SCRN1: variants seen among roughly 807,000 people sequenced by gnomAD.
SCRN1 encodes secernin 1, also known as secernin-1.
Under a neutral mutation model 43.3 loss-of-function variants are expected in SCRN1, and 19 were observed. That is an observed-to-expected ratio of 0.44 (90% confidence interval 0.31 to 0.64). The LOEUF is 0.64. SCRN1 is among the 30% of genes least tolerant of loss of function. The pLI, the probability that SCRN1 is intolerant of heterozygous loss-of-function variation, is 0.09. For missense variants in SCRN1, 447 were observed against 524.1 expected (o/e 0.85, Z 1.44); for synonymous variants, 183 against 188.9 (o/e 0.97, Z 0.26).
At chr7:29,929,492 G>C (rs1787086974) in intron 6 of SCRN1, among the ~76,000 whole-genome samples, 1 of 152,232 alleles carries the variant, frequency 6.6e-6, no homozygotes, top group African/African-American at 2.4e-5. Flanking sequence ...AAACCTCAGT[G>C]CTTCCCTTAC....
intron 2 of SCRN1, among the ~76,000 whole-genome samples, chr7:29,961,611 G>A (rs1269016877): frequency 2.2e-4 from 32 of 143,482 alleles, no homozygotes; most frequent in African/African-American, 3.3e-4. Context: ...GGTGGTGGCC[G>A]GGCAGAGGGG....
chr7:29,944,961 GCTTA>G (rs1276533908), intron 3 of SCRN1, among the ~76,000 whole-genome samples: 6 of 152,116 alleles, frequency 3.9e-5, no homozygotes, highest in African/African-American at 1.2e-4. Context: ...CAGGTATTTT[GCTTA>G]CTTATTAAAA....
At chr7:29,970,349 T>G (rs1788631446) in intron 1 of SCRN1, among the ~76,000 whole-genome samples, 1 of 152,114 alleles carries the variant, frequency 6.6e-6, no homozygotes, top group Admixed American at 6.6e-5. Context: ...GCTCCATCCT[T>G]TGTCCTCACC....
chr7:29,981,687 T>C (rs1012635191), intron 1 of SCRN1, among the ~76,000 whole-genome samples: 1 of 152,140 alleles, frequency 6.6e-6, no homozygotes, highest in African/African-American at 2.4e-5. Context: ...CATACAAGAT[T>C]GGGTGAGGGC....
intron 1 of SCRN1, among the ~76,000 whole-genome samples, chr7:29,975,390 C>T (rs571543814): frequency 2.0e-5 from 3 of 152,206 alleles, no homozygotes; most frequent in Non-Finnish European, 2.9e-5. Context: ...CCAGAAATGG[C>T]GGTGGGGCTT....
intron 5 of SCRN1, among the ~76,000 whole-genome samples, chr7:29,937,205 C>T (rs1787369259): frequency 6.6e-6 from 1 of 152,210 alleles, no homozygotes; most frequent in African/African-American, 2.4e-5. Flanking sequence ...TCCCCACTTC[C>T]CTTGTGACTA....
At chr7:29,943,212 C>G (rs1240731484) in intron 4 of SCRN1, among the ~76,000 whole-genome samples, 1 of 152,208 alleles carries the variant, frequency 6.6e-6, no homozygotes, top group Non-Finnish European at 1.5e-5. Flanking sequence ...ATGGTCACCA[C>G]CCAGTCCCAA....
In SCRN1 at chr7:29,922,486, G is replaced by A. The variant is rs1263713755; in HGVS notation, c.*1471C>T. Reference sequence around the variant, plus strand: ...GTTTCCATTTGCAGATTCCTGCCAAGAATGATGAGGCAGGATTAGGCCCAA... The same window carrying A: ...GTTTCCATTTGCAGATTCCTGCCAAAAATGATGAGGCAGGATTAGGCCCAA... On this transcript the variant is annotated 3_prime_UTR_variant, in exon 8 of 8. Coordinates refer to ENST00000242059, the MANE Select transcript of SCRN1 (RefSeq NM_014766.5). 4 of 152,224 alleles carry A rather than the reference G, an allele frequency of 2.6e-5. No homozygotes were observed. The allele number at this position is 152,224 out of a possible 1,614,324, so 9.4% of individuals were successfully genotyped here. A position where few individuals can be genotyped will look rare whatever the true frequency, so the allele number is the denominator to read the frequency against.
chr7:29,975,631 G>A (rs1299616617), intron 1 of SCRN1, among the ~76,000 whole-genome samples: 2 of 152,192 alleles, frequency 1.3e-5, no homozygotes, highest in Admixed American at 6.5e-5. Flanking sequence ...ACATATAAGC[G>A]TCTATAGGTA....
At chr7:29,978,290 T>G (rs543118064) in intron 1 of SCRN1, among the ~76,000 whole-genome samples, 3 of 152,290 alleles carry the variant, frequency 2.0e-5, no homozygotes, top group Admixed American at 2.0e-4. Context: ...CTATGGACAC[T>G]CAAATATTTG....
chr7:29,989,700 C>T lies in SCRN1; in HGVS notation c.-60G>A, dbSNP rs901927803. 9 of 985,792 alleles carry T rather than the reference C, an allele frequency of 9.1e-6. No individual in the cohort carries two copies. Among genetic ancestry groups the T allele is most frequent in the Non-Finnish European group, 1.1e-5 (9 of 830,278 alleles). The allele number at this position is 985,792 out of a possible 1,614,324, so 61.1% of individuals were successfully genotyped here. The stretch of plus-strand genomic sequence containing the variant: ...TCTGCGGTGCTGAGGCTGCGGCCGC[C>T]GAGGGTGCGGGTGCTGCCGGGTCCG... On this transcript the variant is annotated 5_prime_UTR_variant, in exon 1 of 8. Coordinates refer to ENST00000242059, the MANE Select transcript of SCRN1 (RefSeq NM_014766.5).
At position 29,920,872 on chromosome 7, in the gene SCRN1, T is replaced by C. The variant is rs1245347416; in HGVS notation, c.*3085A>G. 1 of 151,852 alleles carries C rather than the reference T, an allele frequency of 6.6e-6. No individual in the cohort carries two copies. Among genetic ancestry groups the C allele is most frequent in the Non-Finnish European group, 1.5e-5 (1 of 68,036 alleles). 9.4% of individuals were successfully genotyped at this position (151,852 alleles called of 1,614,324 possible). A position where few individuals can be genotyped will look rare whatever the true frequency, so the allele number is the denominator to read the frequency against. On this transcript the variant is annotated 3_prime_UTR_variant, in exon 8 of 8. Coordinates refer to ENST00000242059, the MANE Select transcript of SCRN1 (RefSeq NM_014766.5). ...TCTAACAGGCATATACCTGCTCTGTTAGTTTATAAGAAAGACTCGTTCTAA... is the reference window on the plus strand; with the variant it reads ...TCTAACAGGCATATACCTGCTCTGTCAGTTTATAAGAAAGACTCGTTCTAA...
intron 3 of SCRN1, among the ~76,000 whole-genome samples, chr7:29,952,685 A>G (rs1357275283): frequency 9.1e-6 from 1 of 109,398 alleles, no homozygotes; most frequent in Non-Finnish European, 2.0e-5. Context: ...GACTTGTCTA[A>G]AAAAAAAAAA....
intron 3 of SCRN1, among the ~76,000 whole-genome samples, chr7:29,951,228 C>G (rs1225468860): frequency 3.3e-5 from 5 of 152,252 alleles, no homozygotes; most frequent in African/African-American, 1.2e-4. Flanking sequence ...TCGCACAGAG[C>G]TAGTGCCTGT....
intron 1 of SCRN1, among the ~76,000 whole-genome samples, chr7:29,986,340 A>T (rs1175675690): frequency 6.6e-6 from 1 of 152,262 alleles, no homozygotes. Context: ...TTAGTAATAT[A>T]TTTTACCCAA....
intron 2 of SCRN1, among the ~76,000 whole-genome samples, chr7:29,962,787 A>G (rs1429613222): frequency 6.6e-6 from 1 of 152,238 alleles, no homozygotes; most frequent in Non-Finnish European, 1.5e-5. Context: ...TACTCTTCAT[A>G]GTTTAAAAAA....
chr7:29,962,458 G>A (rs867768896), intron 2 of SCRN1, among the ~76,000 whole-genome samples: 4 of 151,916 alleles, frequency 2.6e-5, no homozygotes, highest in African/African-American at 9.7e-5. Flanking sequence ...AAGCCAAGGT[G>A]GGTGGATCAC....
chr7:29,973,016 T>G (rs1307910173), intron 1 of SCRN1, among the ~76,000 whole-genome samples: 3 of 152,232 alleles, frequency 2.0e-5, no homozygotes, highest in African/African-American at 7.2e-5. Context: ...ATATTAAGGC[T>G]TCCAGTGATC....
chr7:29,936,666 C>T lies in SCRN1; in HGVS notation c.795G>A (p.Val265=), dbSNP rs779639758. The T allele has an allele frequency of 3.1e-5, 49 of 1,601,170 alleles. No individual in the cohort carries two copies. The highest frequency in any genetic ancestry group is 4.0e-5 in the Non-Finnish European group (47 of 1,169,958). Residue 265 remains valine (V), a synonymous_variant, in exon 6 of 8, where the codon GTG becomes GTA. Coordinates refer to ENST00000242059, the MANE Select transcript of SCRN1 (RefSeq NM_014766.5). ...TGAGGAAAAACTCAGAGTCTATGCA[C>T]ACTCCGCTGGCTTTGTCCCGTAAGG... is the stretch of plus-strand genomic sequence containing the variant. The part of the protein sequence containing the change: ...MNTLRDKASG[V]CIDSEFFLTT...
Sources: allele counts gnomAD v4.1 joint callset (sites outside exome capture counted in the v4.1 genomes callset), GRCh38; gene constraint gnomAD v4.1.1; transcripts MANE v1.5; gene names NCBI Gene and HGNC (gene_info 2026-07-23, HGNC 2026-07-21).